Variants in PDE4B observed in about 807,000 individuals in gnomAD.
PDE4B encodes the protein 3',5'-cyclic-AMP phosphodiesterase 4B.
Under a neutral mutation model 82.2 loss-of-function variants are expected in PDE4B, and 20 were observed. The ratio of observed to expected loss-of-function variants is 0.24; its 90% CI spans 0.17 to 0.35. The LOEUF (loss-of-function observed/expected upper bound fraction) is 0.35. Ranked by LOEUF, PDE4B falls within the 10% of genes least tolerant of loss-of-function variation. The pLI, the probability that PDE4B is intolerant of heterozygous loss-of-function variation, is 1.00. For synonymous variants in PDE4B, 320 were observed against 318.9 expected, an observed-to-expected ratio of 1.00 and a Z score of -0.04; for missense variants, 655 against 907.2, an observed-to-expected ratio of 0.72 and a Z score of 3.57.
intron 1 of PDE4B, among the ~76,000 whole-genome samples, chr1:65,882,529 G>A (rs1409985997): frequency 6.6e-6 from 1 of 152,116 alleles, no homozygotes; most frequent in Non-Finnish European, 1.5e-5. Context: ...AAATGGTTAA[G>A]TAATTATGGT....
intron 8 of PDE4B, 127 bp from the exon 9 acceptor site, chr1:66,355,400 A>G (rs746951097): frequency 6.2e-6 from 3 of 485,052 alleles, no homozygotes; most frequent in Non-Finnish European, 1.1e-5. Flanking sequence ...TTGTAGAAAC[A>G]GTATTATTTA....
chr1:66,164,270 G>GC (rs1646674745), intron 3 of PDE4B, among the ~76,000 whole-genome samples: 1 of 152,040 alleles, frequency 6.6e-6, no homozygotes, highest in African/African-American at 2.4e-5. Flanking sequence ...GGGCACAGTG[G>GC]CTTACACCTG....
intron 3 of PDE4B, among the ~76,000 whole-genome samples, chr1:66,195,229 C>A (rs193200326): frequency 2.6e-5 from 4 of 152,256 alleles, no homozygotes; most frequent in Admixed American, 2.6e-4. Flanking sequence ...ACTCTGGCAC[C>A]AGATGAATAG....
intron 1 of PDE4B, among the ~76,000 whole-genome samples, chr1:65,825,743 T>TATC (rs1646009586): frequency 6.6e-6 from 1 of 151,932 alleles, no homozygotes; most frequent in African/African-American, 2.4e-5. Flanking sequence ...TCTATCTATC[T>TATC]ATCTATCTAT....
intron 3 of PDE4B, among the ~76,000 whole-genome samples, chr1:66,072,521 G>T (rs772110889): frequency 6.6e-6 from 1 of 152,114 alleles, no homozygotes; most frequent in Non-Finnish European, 1.5e-5. Context: ...CAAGCAGCTA[G>T]GTGGCCCTCC....
intron 1 of PDE4B, among the ~76,000 whole-genome samples, chr1:65,887,339 TTTTC>T (rs1234294438): frequency 1.3e-5 from 1 of 78,898 alleles, no homozygotes; most frequent in African/African-American, 5.2e-5. Context: ...TTTTCTTTCA[TTTTC>T]TTTCTCTCTC....
chr1:66,337,452 A>C (rs915201183), intron 8 of PDE4B, among the ~76,000 whole-genome samples: 1 of 152,176 alleles, frequency 6.6e-6, no homozygotes, highest in South Asian at 2.1e-4. Context: ...CCTTAGGCCT[A>C]AGGAGTTTAA....
intron 1 of PDE4B, among the ~76,000 whole-genome samples, chr1:65,859,303 A>G (rs771143616): frequency 1.3e-5 from 2 of 152,130 alleles, no homozygotes; most frequent in Admixed American, 1.3e-4. Context: ...AATTGATATC[A>G]CAAAAACTAA....
intron 7 of PDE4B, chr1:66,266,816 A>G: frequency 2.4e-6 from 1 of 424,892 alleles, no homozygotes; most frequent in Non-Finnish European, 4.8e-6. Context: ...AAGTCCAAAT[A>G]ATGTTTTCTC....
intron 10 of PDE4B, 37 bp from the exon 11 acceptor site, chr1:66,363,131 T>G (rs1300299187): frequency 1.4e-6 from 2 of 1,416,306 alleles, no homozygotes; most frequent in Non-Finnish European, 2.0e-6. Flanking sequence ...AGCACAACTT[T>G]CCTTATTCCT....
chr1:66,296,881 G>A (rs546218124), intron 7 of PDE4B, among the ~76,000 whole-genome samples: 2 of 152,246 alleles, frequency 1.3e-5, no homozygotes, highest in East Asian at 1.9e-4. Context: ...AGAAGTTAGG[G>A]ACCCACCTGT....
intron 8 of PDE4B, among the ~76,000 whole-genome samples, chr1:66,353,139 T>A (rs1308008888): frequency 6.6e-6 from 1 of 152,226 alleles, no homozygotes; most frequent in South Asian, 2.1e-4. Flanking sequence ...TAAAACGAAA[T>A]AATTTGGAAT....
At chr1:65,993,131 G>T in intron 3 of PDE4B, 2 of 1,612,382 alleles carry the variant, frequency 1.2e-6, no homozygotes, top group Non-Finnish European at 1.7e-6. Context: ...GCTTCACTGT[G>T]GCTCATACAT....
intron 3 of PDE4B, among the ~76,000 whole-genome samples, chr1:66,038,858 T>C (rs1654202234): frequency 6.6e-6 from 1 of 152,110 alleles, no homozygotes; most frequent in Non-Finnish European, 1.5e-5. Context: ...TAGCTTAATG[T>C]CCACGTGAAA....
At chr1:66,315,016 G>A (rs12070734) in intron 7 of PDE4B, among the ~76,000 whole-genome samples, 2,040 of 152,278 alleles carry the variant, frequency 0.013, 52 homozygotes, top group African/African-American at 0.047. Context: ...AATGACAACT[G>A]TGTCTTTCAC....
At chr1:66,279,068 C>G (rs1371182762) in intron 7 of PDE4B, among the ~76,000 whole-genome samples, 1 of 152,144 alleles carries the variant, frequency 6.6e-6, no homozygotes, top group Non-Finnish European at 1.5e-5. Context: ...TGATTTACCC[C>G]TCTCTGCATG....
At chr1:66,243,629 T>C (rs1362822100) in intron 3 of PDE4B, among the ~76,000 whole-genome samples, 2 of 152,036 alleles carry the variant, frequency 1.3e-5, no homozygotes, top group South Asian at 4.1e-4. Flanking sequence ...TTGAAGATAC[T>C]AGCTCAATGG....
intron 3 of PDE4B, among the ~76,000 whole-genome samples, chr1:66,245,385 C>T (rs1395945486): frequency 6.6e-6 from 1 of 152,152 alleles, no homozygotes; most frequent in Non-Finnish European, 1.5e-5. Context: ...CCCCTCTTCA[C>T]TTTTTAAGAA....
intron 3 of PDE4B, among the ~76,000 whole-genome samples, chr1:66,089,961 A>C (rs916800103): frequency 7.2e-5 from 11 of 152,230 alleles, no homozygotes; most frequent in South Asian, 4.1e-4. Flanking sequence ...ACTAAAATTC[A>C]AAATCTACTT....
Sources: allele counts gnomAD v4.1 joint callset (sites outside exome capture counted in the v4.1 genomes callset), GRCh38; gene constraint gnomAD v4.1.1; transcripts MANE v1.5; gene names NCBI Gene and HGNC (gene_info 2026-07-23, HGNC 2026-07-21).